Variants in RNF128 observed in about 807,000 individuals in gnomAD.
The protein encoded by RNF128 is E3 ubiquitin-protein ligase RNF128.
RNF128 carries 13 observed loss-of-function variants against 26.2 expected under a neutral mutation model. The ratio of observed to expected loss-of-function variants is 0.50; its 90% confidence interval spans 0.32 to 0.79. The LOEUF is 0.79. Ranked by LOEUF, RNF128 falls within the 30% of genes least tolerant of loss-of-function variation. RNF128 has a pLI of 0.03. For missense variants in RNF128, 315 were observed against 349.7 expected (o/e 0.90, Z 0.79); for synonymous variants, 149 against 142.5 (o/e 1.05, Z -0.32).
At chrX:106,734,061 AT>A (rs1390664604) in intron 1 of RNF128, among the ~76,000 whole-genome samples, 1 of 111,918 alleles carries the variant, frequency 8.9e-6, no homozygotes, top group Admixed American at 9.5e-5. Context: ...TATACTATAT[AT>A]ACTAGTTTTG....
intron 2 of RNF128, among the ~76,000 whole-genome samples, chrX:106,784,602 C>A (rs1052312456): frequency 9.0e-6 from 1 of 111,646 alleles, no homozygotes; most frequent in African/African-American, 3.3e-5. Flanking sequence ...TTAAATGACT[C>A]GTGCAGGGTT....
chrX:106,768,388 TC>T (rs920669244), intron 1 of RNF128, among the ~76,000 whole-genome samples: 1 of 111,673 alleles, frequency 9.0e-6, no homozygotes, highest in Non-Finnish European at 1.9e-5. Context: ...TGCCACAATT[TC>T]AGAGGCTGTT....
intron 1 of RNF128, among the ~76,000 whole-genome samples, chrX:106,768,164 G>A (rs758732799): frequency 7.7e-4 from 86 of 111,667 alleles, no homozygotes; most frequent in African/African-American, 1.5e-3. Flanking sequence ...AGGGATTTTC[G>A]TCTAAAATTT....
intron 1 of RNF128, among the ~76,000 whole-genome samples, chrX:106,762,859 C>T (rs1014033419): frequency 8.2e-5 from 9 of 109,306 alleles, no homozygotes; most frequent in African/African-American, 3.0e-4. Flanking sequence ...CAACGGACAC[C>T]GGGGCCTACT....
At chrX:106,754,921 A>G (rs1417900511) in intron 1 of RNF128, among the ~76,000 whole-genome samples, 2 of 111,780 alleles carry the variant, frequency 1.8e-5, no homozygotes, top group East Asian at 5.6e-4. Context: ...GAAAAGAATT[A>G]ATAAAGATCA....
intron 1 of RNF128, among the ~76,000 whole-genome samples, chrX:106,728,951 T>A (rs1395423539): frequency 1.8e-5 from 2 of 112,256 alleles, no homozygotes; most frequent in Admixed American, 1.9e-4. Context: ...CTTTTAGAAG[T>A]TACTGAAAAT....
chrX:106,786,561 T>C (rs1312236112), intron 3 of RNF128, among the ~76,000 whole-genome samples: 1 of 111,455 alleles, frequency 9.0e-6, no homozygotes, highest in East Asian at 2.8e-4. Context: ...ATTTCTTAGA[T>C]ATAACTCCAA....
chrX:106,727,472 C>T (rs1420507719), intron 1 of RNF128, 75 bp downstream of exon 1: 1 of 1,135,918 alleles, frequency 8.8e-7, no homozygotes, highest in Non-Finnish European at 1.2e-6. Flanking sequence ...TCATTGCCCT[C>T]CTCGTCCTAT....
intron 1 of RNF128, among the ~76,000 whole-genome samples, chrX:106,719,685 C>G (rs1204561339): frequency 9.0e-6 from 1 of 111,419 alleles, no homozygotes; most frequent in Non-Finnish European, 1.9e-5. Flanking sequence ...AGGCTTTCAT[C>G]TAATGGAATA....
upstream of RNF128, among the ~76,000 whole-genome samples, chrX:106,726,294 T>C (rs1215248613): frequency 9.0e-6 from 1 of 110,832 alleles, no homozygotes; most frequent in East Asian, 2.9e-4. Flanking sequence ...AATAGCCTGA[T>C]TCTACTCAAA....
intron 1 of RNF128, among the ~76,000 whole-genome samples, chrX:106,765,642 T>A (rs1453971604): frequency 8.9e-6 from 1 of 111,794 alleles, no homozygotes; most frequent in African/African-American, 3.2e-5. Context: ...GTGTCTACAT[T>A]TCAGACATTC....
chrX:106,730,496 G>A (rs1210497676), intron 1 of RNF128, among the ~76,000 whole-genome samples: 1 of 112,024 alleles, frequency 8.9e-6, no homozygotes, highest in East Asian at 2.8e-4. Flanking sequence ...AAATCTTAAA[G>A]TAAGCATTAA....
intron 1 of RNF128, among the ~76,000 whole-genome samples, chrX:106,736,599 C>G (rs1929602057): frequency 9.0e-6 from 1 of 111,312 alleles, no homozygotes; most frequent in South Asian, 3.8e-4. Context: ...AACTTACTCC[C>G]ATAAATTCTA....
chrX:106,787,837 T>C (rs1930683856), intron 3 of RNF128, 81 bp from the exon 4 acceptor site: 1 of 621,869 alleles, frequency 1.6e-6, no homozygotes, highest in Non-Finnish European at 2.6e-6. Flanking sequence ...GCTGGTTAAG[T>C]ACATGTATGT....
At chrX:106,779,567 T>C (rs954578855) in intron 2 of RNF128, among the ~76,000 whole-genome samples, 1 of 110,473 alleles carries the variant, frequency 9.1e-6, no homozygotes, top group Admixed American at 9.7e-5. Flanking sequence ...AAACTTGCAG[T>C]TATACCACAA....
intron 6 of RNF128, among the ~76,000 whole-genome samples, chrX:106,793,471 T>C (rs1200040741): frequency 9.0e-6 from 1 of 111,591 alleles, no homozygotes; most frequent in African/African-American, 3.3e-5. Flanking sequence ...AATGTTAACA[T>C]ATAACCATAT....
intron 1 of RNF128, among the ~76,000 whole-genome samples, chrX:106,713,965 G>C (rs1929170685): frequency 9.0e-6 from 1 of 111,294 alleles, no homozygotes; most frequent in South Asian, 3.8e-4. Flanking sequence ...CAAGAGGTCA[G>C]GAGATCGAGA....
Position 106,791,154 on chromosome X carries a change from G to A in RNF128, c.1073G>A (p.Arg358His). 1.7e-6 allele frequency: 2 copies of A among 1,209,120 alleles called. No homozygotes were observed. Among genetic ancestry groups the A allele is most frequent in the East Asian group, 3.0e-5 (1 of 33,800 alleles). Residue 358 changes from arginine (R) to histidine (H), a missense_variant, in exon 6 of 7, where the codon CGC becomes CAC. By Grantham distance (29) the Arg-to-His change is conservative (BLOSUM62 0). Coordinates refer to ENST00000255499, the MANE Select transcript of RNF128 (RefSeq NM_194463.2). ...NSASSHEEDN[R>H]SETASSGYAS... ...GCCTCCTCCCATGAAGAGGATAATC[G>A]CAGCGAGACCGCATCATCTGGATAT...
At chrX:106,732,285 C>T (rs1370160539) in intron 1 of RNF128, among the ~76,000 whole-genome samples, 1 of 111,950 alleles carries the variant, frequency 8.9e-6, no homozygotes, top group Non-Finnish European at 1.9e-5. Context: ...TCTTTTTGTT[C>T]CAATAGCACT....
Sources: allele counts gnomAD v4.1 joint callset (sites outside exome capture counted in the v4.1 genomes callset), GRCh38; gene constraint gnomAD v4.1.1; transcripts MANE v1.5; gene names NCBI Gene and HGNC (gene_info 2026-07-23, HGNC 2026-07-21).